The following MITF variants were observed in gnomAD, a reference collection of about 807,000 sequenced individuals.
MITF encodes the protein microphthalmia-associated transcription factor.
Under a neutral mutation model 60.5 loss-of-function variants are expected in MITF, and 17 were observed. The ratio of observed to expected loss-of-function variants is 0.28; its 90% confidence interval spans 0.19 to 0.42. The LOEUF (loss-of-function observed/expected upper bound fraction) is 0.42, where lower values mean the gene tolerates loss of function less well. Among genes scored for constraint, MITF ranks in the 10% least tolerant of loss-of-function variants. The pLI is 1.00. For missense variants in MITF, 622 were observed against 683.5 expected, an observed-to-expected ratio of 0.91 and a Z score of 1.00; for synonymous variants, 260 against 248.5, an observed-to-expected ratio of 1.05 and a Z score of -0.43.
intron 5 of MITF, among the ~76,000 whole-genome samples, chr3:69,947,592 A>AT (rs1451898026): frequency 6.6e-6 from 1 of 152,114 alleles, no homozygotes; most frequent in East Asian, 1.9e-4. Context: ...CACGATGTCT[A>AT]TTTTTGTGCC....
chr3:69,773,495 T>G (rs1215579597), intron 1 of MITF, among the ~76,000 whole-genome samples: 1 of 152,164 alleles, frequency 6.6e-6, no homozygotes, highest in Non-Finnish European at 1.5e-5. Context: ...TAGGGGCAAA[T>G]AAATTCAGCA....
intron 1 of MITF, among the ~76,000 whole-genome samples, chr3:69,805,423 A>G (rs2062989012): frequency 6.6e-6 from 1 of 151,968 alleles, no homozygotes; most frequent in Admixed American, 6.6e-5. Flanking sequence ...TTCCCTGACC[A>G]TCTCATGTTA....
chr3:69,886,599 A>C (rs1265754203), intron 2 of MITF, among the ~76,000 whole-genome samples: 1 of 152,142 alleles, frequency 6.6e-6, no homozygotes, highest in Non-Finnish European at 1.5e-5. Flanking sequence ...GAGAAACTAC[A>C]GAGGAGTCTC....
At chr3:69,739,808 A>G (rs1008446638) in intron 1 of MITF, 107 bp downstream of exon 1, 2 of 815,970 alleles carry the variant, frequency 2.5e-6, no homozygotes, top group Non-Finnish European at 4.1e-6. Flanking sequence ...ACAAGGACCC[A>G]GTGCCCTTGC....
At position 69,937,961 on chromosome 3, in the gene MITF, G is replaced by A; in HGVS notation, c.494G>A (p.Gly165Asp). The part of the protein sequence containing the change: ...VLSLPCPNQP[G>D]DHVMPPVPGS... ...AGCTTGCCATGTCCAAACCAGCCTG[G>A]CGATCATGTCATGCCACCGGTGCCG... is the stretch of plus-strand genomic sequence containing the variant. Residue 165 changes from glycine (G) to aspartate (D), a missense_variant, in exon 3 of 10, where the codon GGC (glycine) becomes GAC (aspartate). By Grantham distance (94) the Gly-to-Asp change is moderately conservative (BLOSUM62 -1). Around this residue, in one of 5 missense-constraint regions of MITF, gnomAD observed 215 missense variants for 224.8 expected, o/e 0.96. Transcript: ENST00000352241. The A allele has an allele frequency of 6.2e-7, 1 of 1,614,148 alleles. No individual in the cohort carries two copies. The highest frequency in any genetic ancestry group is 1.1e-5 in the South Asian group (1 of 91,086).
chr3:69,912,813 T>G (rs1223908650), intron 2 of MITF, among the ~76,000 whole-genome samples: 1 of 152,184 alleles, frequency 6.6e-6, no homozygotes, highest in Non-Finnish European at 1.5e-5. Flanking sequence ...GGCAGTCTCT[T>G]TGGCCAACTA....
intron 5 of MITF, among the ~76,000 whole-genome samples, chr3:69,947,215 T>G (rs1163437600): frequency 1.3e-5 from 2 of 152,234 alleles, no homozygotes; most frequent in Non-Finnish European, 2.9e-5. Flanking sequence ...TTTAGCTTAT[T>G]GCTTTGAATT....
intron 1 of MITF, among the ~76,000 whole-genome samples, chr3:69,740,664 A>G (rs1703497929): frequency 6.6e-6 from 1 of 152,156 alleles, no homozygotes; most frequent in South Asian, 2.1e-4. Context: ...ATGTTTCCTA[A>G]AAGGGACATG....
intron 1 of MITF, among the ~76,000 whole-genome samples, chr3:69,851,821 A>G (rs2063828918): frequency 6.6e-6 from 1 of 152,218 alleles, no homozygotes; most frequent in Admixed American, 6.5e-5. Flanking sequence ...AAAAAAGGAG[A>G]TGAAAACATT....
chr3:69,949,890 C>A (rs2066199229), intron 6 of MITF, among the ~76,000 whole-genome samples: 1 of 152,112 alleles, frequency 6.6e-6, no homozygotes, highest in African/African-American at 2.4e-5. Context: ...TTGATCCTTG[C>A]ATCCTGCAGG....
intron 1 of MITF, among the ~76,000 whole-genome samples, chr3:69,753,841 T>G (rs1704028625): frequency 6.6e-6 from 1 of 152,256 alleles, no homozygotes; most frequent in Non-Finnish European, 1.5e-5. Context: ...GTAACTAACT[T>G]GTTTTTTAAT....
At chr3:69,799,492 A>G (rs1318072821) in intron 1 of MITF, among the ~76,000 whole-genome samples, 1 of 152,124 alleles carries the variant, frequency 6.6e-6, no homozygotes, top group Non-Finnish European at 1.5e-5. Flanking sequence ...GATTTACAAT[A>G]TTCTTTTTAC....
rs986319200 is a variant in MITF, at chr3:69,883,850, C to G, written c.354+4467C>G. ...CCATTCACACATGGACCAGCATATA[C>G]TTATGACCCTTGTAGTTTGACTTAC... On this transcript the variant is annotated intron_variant, in intron 2 of 9. Transcript: ENST00000352241. 3.3e-5 allele frequency among the ~76,000 whole-genome samples: 5 copies of G among 152,148 alleles called. 1 individual carries two copies. Among genetic ancestry groups the G allele is most frequent in the Admixed American group, 2.0e-4 (3 of 15,282 alleles).
At chr3:69,756,498 T>C (rs1575669498) in intron 1 of MITF, among the ~76,000 whole-genome samples, 1 of 152,130 alleles carries the variant, frequency 6.6e-6, no homozygotes, top group South Asian at 2.1e-4. Flanking sequence ...TATTCCATGG[T>C]GTATATGTGC....
intron 1 of MITF, among the ~76,000 whole-genome samples, chr3:69,836,250 CT>C (rs2063539078): frequency 6.6e-6 from 1 of 151,984 alleles, no homozygotes; most frequent in Non-Finnish European, 1.5e-5. Context: ...ATGGAATTAT[CT>C]TCTTGATTTA....
At chr3:69,767,325 T>G (rs550307487) in intron 1 of MITF, among the ~76,000 whole-genome samples, 2 of 152,292 alleles carry the variant, frequency 1.3e-5, no homozygotes, top group East Asian at 3.9e-4. Flanking sequence ...TGGAGGGGCA[T>G]GTAATCCTGG....
chr3:69,808,442 G>A (rs1446586493), intron 1 of MITF, among the ~76,000 whole-genome samples: 4 of 152,094 alleles, frequency 2.6e-5, no homozygotes, highest in Non-Finnish European at 5.9e-5. Context: ...CAACGGGGGA[G>A]ACATAGACAA....
At chr3:69,860,530 G>A (rs971573075) in intron 1 of MITF, among the ~76,000 whole-genome samples, 2 of 150,756 alleles carry the variant, frequency 1.3e-5, no homozygotes, top group African/African-American at 4.9e-5. Flanking sequence ...CCCGGAAGGC[G>A]GAGCTTGCAG....
At chr3:69,805,528 A>C (rs2062990830) in intron 1 of MITF, among the ~76,000 whole-genome samples, 1 of 151,946 alleles carries the variant, frequency 6.6e-6, no homozygotes, top group Admixed American at 6.6e-5. Flanking sequence ...GTATTTGCTT[A>C]TTTGTTGTTA....
Sources: allele counts gnomAD v4.1 joint callset (sites outside exome capture counted in the v4.1 genomes callset), GRCh38; gene constraint gnomAD v4.1.1; regional missense constraint gnomAD v4.1.1; transcripts MANE v1.5; gene names NCBI Gene and HGNC (gene_info 2026-07-23, HGNC 2026-07-21).